Variants in MYO7B observed in about 807,000 individuals in gnomAD.
MYO7B encodes the protein myosin VIIB, also known as unconventional myosin-VIIb.
In MYO7B, 212 loss-of-function variants were observed where a neutral mutation model predicts 259.7. The ratio of observed to expected loss-of-function variants is 0.82; its 90% confidence interval spans 0.73 to 0.91. MYO7B has a LOEUF of 0.91. Among genes scored for constraint, MYO7B ranks in the 40% least tolerant of loss-of-function variants. The probability of loss-of-function intolerance (pLI) is 0.00; values close to 1 mark genes in which losing one functional copy is unlikely to be tolerated. For missense variants in MYO7B, 2,732 were observed against 2,813.5 expected, an observed-to-expected ratio of 0.97 and a Z score of 0.66; for synonymous variants, 1,197 against 1,166.4, an observed-to-expected ratio of 1.03 and a Z score of -0.54.
Position 127,636,573 on chromosome 2 carries a change from T to A in MYO7B, c.6152T>A (p.Val2051Asp). Reference sequence around the variant, plus strand: ...ACCTCGGAGCCTTCCTACCCGGACGTCATCCTCATCGCCATCAACCGACAT... The same window carrying A: ...ACCTCGGAGCCTTCCTACCCGGACGACATCCTCATCGCCATCAACCGACAT... Reference protein sequence around the residue: ...KQTSEPSYPDVILIAINRHGV... With the variant: ...KQTSEPSYPDDILIAINRHGV... Residue 2051 changes from valine (V) to aspartate (D), a missense_variant, in exon 46 of 48, where the codon GTC (valine) becomes GAC (aspartate). Val to Asp is a radical substitution (Grantham distance 152, BLOSUM62 -3). This residue lies in a region of MYO7B where 821 missense variants were observed against 769.3 expected (regional missense o/e 1.07). Transcript: ENST00000409816. This position sits in a 1 kb window ranked among gnomAD's most constrained non-coding sequence, Gnocchi z 4.5. 6.2e-7 allele frequency: 1 copy of A among 1,612,772 alleles called. No individual in the cohort carries two copies. Among genetic ancestry groups the A allele is most frequent in the Non-Finnish European group, 8.5e-7 (1 of 1,179,418 alleles).
chr2:127,630,940 C>CCCCCACCTCCCAG (rs556566264), intron 36 of MYO7B, 32 bp downstream of exon 36: 1 of 1,536,744 alleles, frequency 6.5e-7, no homozygotes, highest in South Asian at 1.2e-5. Context: ...CCTCATTGCA[C>CCCCCACCTCCCAG]CCCCACCTCC....
At chr2:127,569,947 C>T (rs369682525) in intron 6 of MYO7B, 37 bp downstream of exon 6, 73 of 1,589,512 alleles carry the variant, frequency 4.6e-5, no homozygotes, top group Non-Finnish European at 5.7e-5. Flanking sequence ...TCTCCCCCAG[C>T]CCCCCTGGAG....
In MYO7B at chr2:127,627,839, C is replaced by CTG. The variant is rs1349291195; in HGVS notation, c.4460+530_4460+531insGT. 2.2e-6 allele frequency: 1 copy of CTG among 458,098 alleles called. No individual in the cohort carries two copies. The allele number at this position is 458,098 out of a possible 1,614,324, so 28.4% of individuals were successfully genotyped here. On this transcript the variant is annotated intron_variant, in intron 33 of 47. Transcript: ENST00000409816. The surrounding 1 kb of genome is among the most constrained non-coding windows in gnomAD (Gnocchi z 5.6). ...CCACCCAAGCCCTGCCAGAGCGCCC[C>CTG]TTGGTTGAAGCACACAACAGAGTGG...
At chr2:127,622,142 T>G (rs1414107724) in intron 28 of MYO7B, 41 bp downstream of exon 28, 3 of 1,529,592 alleles carry the variant, frequency 2.0e-6, no homozygotes, top group African/African-American at 2.8e-5. Context: ...GGTGGGGTGG[T>G]GCAGACCCCC....
At position 127,584,806 on chromosome 2, in the gene MYO7B, T is replaced by C. The variant is rs1433873903; in HGVS notation, c.1583T>C (p.Leu528Pro). Residue 528 changes from leucine to proline, a missense_variant, in exon 14 of 48, where the codon CTG becomes CCG. Transcript: ENST00000409816. This position sits in a 1 kb window ranked among gnomAD's most constrained non-coding sequence, Gnocchi z 5.8. Reference protein sequence around the residue: ...QGTDLTMLQKLNSVHANNKAF... With the variant: ...QGTDLTMLQKPNSVHANNKAF... Reference sequence around the variant, plus strand: ...ACAGATCTCACCATGCTGCAAAAGCTGAACAGCGTCCATGCCAACAACAAG... The same window carrying C: ...ACAGATCTCACCATGCTGCAAAAGCCGAACAGCGTCCATGCCAACAACAAG... 1 of 1,613,854 alleles carries C rather than the reference T, an allele frequency of 6.2e-7. No individual in the cohort carries two copies. The highest frequency in any genetic ancestry group is 8.5e-7 in the Non-Finnish European group (1 of 1,179,880).
Position 127,626,961 on chromosome 2 carries a change from G to C in MYO7B, c.4216-14G>C, listed in dbSNP as rs922262444. 8.7e-6 allele frequency: 14 copies of C among 1,602,802 alleles called. No individual in the cohort carries two copies. The East Asian group carries it at 3.2e-4, about 36-fold the overall frequency. ...AGGCAGGTGACGGAGGTGACATCCA[G>C]GATCCCCCCTCAGGCCCCATACACT... On this transcript the variant is annotated splice_polypyrimidine_tract_variant and intron_variant, in intron 31 of 47. Transcript: ENST00000409816.
chr2:127,589,208 T>C (rs1475214429), intron 15 of MYO7B, among the ~76,000 whole-genome samples: 1 of 130,010 alleles, frequency 7.7e-6, no homozygotes. Flanking sequence ...GATGGGTGGA[T>C]GGGTGAGTGG....
At chr2:127,623,405 G>A (rs377480068) in intron 29 of MYO7B, 30 bp downstream of exon 29, 869 of 1,528,726 alleles carry the variant, frequency 5.7e-4, no homozygotes, top group Non-Finnish European at 7.0e-4. Context: ...CCCGTCAGCC[G>A]CCTCCCTCAT....
At chr2:127,563,569 G>A (rs574583285) in intron 2 of MYO7B, among the ~76,000 whole-genome samples, 63 of 152,252 alleles carry the variant, frequency 4.1e-4, no homozygotes, top group African/African-American at 1.4e-3. Context: ...GGCAAGCTCC[G>A]CCTGCCACCT....
At chr2:127,572,239 G>A (rs1678666036) in intron 6 of MYO7B, among the ~76,000 whole-genome samples, 1 of 152,088 alleles carries the variant, frequency 6.6e-6, no homozygotes, top group East Asian at 1.9e-4. Flanking sequence ...GTCAACATGG[G>A]GAAACCCCAT....
chr2:127,625,436 G>C lies in MYO7B; in HGVS notation c.4116G>C (p.Lys1372Asn). The change falls in exon 31 of 48, where the codon AAG (lysine) becomes AAC (asparagine). Residue 1372 changes from lysine to asparagine, a missense_variant. Transcript: ENST00000409816. ...YVQLGASAESKAVQELLPSCI... is the reference protein window; with the variant it reads ...YVQLGASAESNAVQELLPSCI... Reference sequence around the variant, plus strand: ...AGCTCGGCGCCTCAGCAGAGAGCAAGGCTGTCCAGGAGCTGCTGCCCAGCT... The same window carrying C: ...AGCTCGGCGCCTCAGCAGAGAGCAACGCTGTCCAGGAGCTGCTGCCCAGCT... The C allele has an allele frequency of 1.2e-6, 2 of 1,611,614 alleles. No homozygotes were observed. The highest frequency in any genetic ancestry group is 8.5e-7 in the Non-Finnish European group (1 of 1,179,434).
In MYO7B at chr2:127,577,777, C is replaced by T. The variant is rs1280954905; in HGVS notation, c.850-356C>T. 1.3e-5 allele frequency among the ~76,000 whole-genome samples: 2 copies of T among 152,242 alleles called. No individual in the cohort carries two copies. Among genetic ancestry groups the T allele is most frequent in the Non-Finnish European group, 2.9e-5 (2 of 68,030 alleles). ...CTCCCTGCCTGCCCCCCTGGATGCG[C>T]AGCACAGGGCCTGGCCCATGGCGAG... On this transcript the variant is annotated intron_variant, in intron 8 of 47. Coordinates refer to ENST00000409816, the MANE Select transcript of MYO7B (RefSeq NM_001393586.1). The surrounding 1 kb of genome is among the most constrained non-coding windows in gnomAD (Gnocchi z 5.2).
At position 127,593,040 on chromosome 2, in the gene MYO7B, C is replaced by G. The variant is rs548172423; in HGVS notation, c.2145+94C>G. On this transcript the variant is annotated intron_variant, in intron 17 of 47. Transcript: ENST00000409816. ...CCCCCAGTACCGAGGGGGTCTCCCG[C>G]TGCCCTCCCCGGCCCCAGCCTTGCG... The G allele has an allele frequency of 1.2e-3, 1,722 of 1,454,844 alleles. 3 individuals are homozygous for G. The highest frequency in any genetic ancestry group is 1.5e-3 in the Non-Finnish European group (1,639 of 1,072,844). The allele number at this position is 1,454,844 out of a possible 1,614,324, so 90.1% of individuals were successfully genotyped here. A position where few individuals can be genotyped will look rare whatever the true frequency, so the allele number is the denominator to read the frequency against.
chr2:127,564,956 T>C (rs1678266838), intron 3 of MYO7B, among the ~76,000 whole-genome samples: 1 of 152,246 alleles, frequency 6.6e-6, no homozygotes, highest in Non-Finnish European at 1.5e-5. Flanking sequence ...TAAGCTCCTT[T>C]GTCCCTGGTC....
chr2:127,609,765 G>A lies in MYO7B; in HGVS notation c.3024+50G>A, dbSNP rs1220940222. The A allele has an allele frequency of 1.2e-6, 2 of 1,612,204 alleles. No individual in the cohort carries two copies. Among genetic ancestry groups the A allele is most frequent in the Non-Finnish European group, 8.5e-7 (1 of 1,178,412 alleles). On this transcript the variant is annotated intron_variant, in intron 23 of 47. Coordinates refer to ENST00000409816, the MANE Select transcript of MYO7B (RefSeq NM_001393586.1). The surrounding 1 kb of genome is among the most constrained non-coding windows in gnomAD (Gnocchi z 6.9). ...TGGATCAGGCCAGCCCCGAGCCTGG[G>A]GTGTGAGCTATGGCTCGGGGAAAGA...
rs201162631 is a variant in MYO7B, at chr2:127,637,295, AC to A, written c.6328-14del. ...CTGCCCTCTGCACCCACAGCCTCTG[AC>A]CCCCCCGTCCCCTGTCCAGGGCTAT... On this transcript the variant is annotated intron_variant, in intron 47 of 47. Coordinates refer to ENST00000409816, the MANE Select transcript of MYO7B (RefSeq NM_001393586.1). 6.7e-6 allele frequency: 10 copies of A among 1,483,768 alleles called. No homozygotes were observed. Among genetic ancestry groups the A allele is most frequent in the African/African-American group, 2.4e-5 (1 of 42,514 alleles). 91.9% of individuals were successfully genotyped at this position (1,483,768 alleles called of 1,614,324 possible).
At chr2:127,564,085 A>G (rs1206117933) in intron 2 of MYO7B, 68 bp from the exon 3 acceptor site, 3 of 1,163,718 alleles carry the variant, frequency 2.6e-6, no homozygotes, top group Non-Finnish European at 2.4e-6. Context: ...CCCGAAGAGA[A>G]GTAAGTATCC....
At chr2:127,582,168 GC>G in intron 11 of MYO7B, 135 bp from the exon 12 acceptor site, 1 of 1,462,440 alleles carries the variant, frequency 6.8e-7, no homozygotes. Flanking sequence ...AGCCTCTTGG[GC>G]CCTGGTTTCT....
chr2:127,582,402 C>T lies in MYO7B; in HGVS notation c.1299C>T (p.Ile433=), dbSNP rs780212337. Residue 433 remains isoleucine (I), a synonymous_variant, in exon 12 of 48, where the codon ATC becomes ATT. Transcript: ENST00000409816. The stretch of plus-strand genomic sequence containing the variant: ...ACCCCAAAAATGTGCGGAGGGCCAT[C>T]GGCCTCCTGGACATATTTGGCTTTG... The part of the protein sequence containing the change: ...AQDPKNVRRA[I]GLLDIFGFEN... 34 of 1,613,198 alleles carry T rather than the reference C, an allele frequency of 2.1e-5. No homozygotes were observed. Among genetic ancestry groups the T allele is most frequent in the African/African-American group, 2.7e-5 (2 of 74,908 alleles).
Sources: gnomAD v4.1 joint callset for allele counts (sites outside exome capture counted in the v4.1 genomes callset) on GRCh38, gnomAD v4.1.1 for gene constraint, gnomAD v4.1.1 regional missense constraint, Gnocchi (gnomAD v3.1) non-coding constraint, MANE v1.5 for transcripts, NCBI Gene and HGNC (gene_info 2026-07-23, HGNC 2026-07-21) for gene names.